Variants in CCSER1 observed in about 807,000 individuals in gnomAD.
CCSER1 encodes coiled-coil serine rich protein 1.
In CCSER1, 41 loss-of-function variants were observed where a neutral mutation model predicts 82.0. The observed-to-expected ratio is 0.50, with a 90% confidence interval of 0.39 to 0.65. The LOEUF is 0.65. CCSER1 is among the 30% of genes least tolerant of loss of function. The pLI is 0.00. For synonymous variants in CCSER1, 414 were observed against 383.9 expected (o/e 1.08, Z -0.92); for missense variants, 1,119 against 1,064.2 (o/e 1.05, Z -0.72).
chr4:90,474,250 C>T (rs753990086), intron 5 of CCSER1, among the ~76,000 whole-genome samples: 3 of 151,892 alleles, frequency 2.0e-5, no homozygotes, highest in Admixed American at 1.3e-4. Context: ...TCAGGTAAAA[C>T]GTCCCTGAGG....
chr4:91,592,505 T>A (rs1764315878), intron 10 of CCSER1, among the ~76,000 whole-genome samples: 1 of 152,148 alleles, frequency 6.6e-6, no homozygotes, highest in South Asian at 2.1e-4. Context: ...GCAGGTCTCA[T>A]TAATAGGAAA....
chr4:90,940,799 A>G (rs1731499001), intron 9 of CCSER1, among the ~76,000 whole-genome samples: 1 of 152,150 alleles, frequency 6.6e-6, no homozygotes, highest in Non-Finnish European at 1.5e-5. Context: ...CTAAAATTTG[A>G]AGAAGTCGAG....
intron 1 of CCSER1, among the ~76,000 whole-genome samples, chr4:90,207,005 G>GT (rs996894504): frequency 1.3e-5 from 2 of 151,390 alleles, no homozygotes; most frequent in African/African-American, 2.4e-5. Context: ...TGCAACCCCT[G>GT]TTTTTTTTCT....
intron 7 of CCSER1, among the ~76,000 whole-genome samples, chr4:90,738,802 G>A (rs1388850093): frequency 6.6e-6 from 1 of 152,078 alleles, no homozygotes; most frequent in Admixed American, 6.6e-5. Flanking sequence ...GTTCACTCAA[G>A]GCCCTGTGCT....
intron 10 of CCSER1, chr4:91,129,794 G>C (rs1043287538): frequency 2.0e-5 from 3 of 152,004 alleles, no homozygotes; most frequent in Admixed American, 2.0e-4. Context: ...ACAGTAATAT[G>C]CTGGTGTTTA....
At chr4:91,308,376 G>T (rs558590585) in intron 10 of CCSER1, among the ~76,000 whole-genome samples, 2 of 152,074 alleles carry the variant, frequency 1.3e-5, no homozygotes, top group South Asian at 4.1e-4. Context: ...TGAAGGAAAT[G>T]TTCCATAAGT....
At chr4:91,145,954 T>C (rs1729491475) in intron 10 of CCSER1, among the ~76,000 whole-genome samples, 1 of 152,158 alleles carries the variant, frequency 6.6e-6, no homozygotes, top group African/African-American at 2.4e-5. Context: ...TGATATAATA[T>C]CTTGCAAATA....
chr4:90,884,942 G>A (rs1188132491), intron 8 of CCSER1, among the ~76,000 whole-genome samples: 1 of 152,106 alleles, frequency 6.6e-6, no homozygotes, highest in East Asian at 1.9e-4. Context: ...AATAAAAAAT[G>A]AGAACATTTG....
At chr4:91,426,435 T>A (rs1753976623) in intron 10 of CCSER1, among the ~76,000 whole-genome samples, 1 of 152,184 alleles carries the variant, frequency 6.6e-6, no homozygotes, top group African/African-American at 2.4e-5. Context: ...ATGGTATTTC[T>A]AGTTCTAGAT....
chr4:91,152,138 C>A (rs949855628), intron 10 of CCSER1, among the ~76,000 whole-genome samples: 3 of 152,088 alleles, frequency 2.0e-5, no homozygotes, highest in Non-Finnish European at 4.4e-5. Flanking sequence ...TAAGGACTTC[C>A]TTTATGAATC....
chr4:90,690,667 C>T (rs1209437877), intron 6 of CCSER1, among the ~76,000 whole-genome samples: 2 of 152,050 alleles, frequency 1.3e-5, no homozygotes, highest in African/African-American at 4.8e-5. Flanking sequence ...ATTCTTTCCT[C>T]ATGCATAAGT....
intron 10 of CCSER1, among the ~76,000 whole-genome samples, chr4:91,471,873 G>C (rs1324851744): frequency 2.0e-5 from 3 of 150,252 alleles, no homozygotes. Context: ...ATGAGACTGA[G>C]GCAGGAGAAT....
At chr4:90,167,750 T>G (rs1730779545) in intron 1 of CCSER1, among the ~76,000 whole-genome samples, 1 of 152,052 alleles carries the variant, frequency 6.6e-6, no homozygotes, top group African/African-American at 2.4e-5. Flanking sequence ...TTGTGATAGT[T>G]TGCTGAGAAT....
chr4:90,262,488 C>A (rs1004162754), intron 1 of CCSER1, among the ~76,000 whole-genome samples: 1 of 152,102 alleles, frequency 6.6e-6, no homozygotes, highest in Non-Finnish European at 1.5e-5. Context: ...ATTGCCCCAT[C>A]GTATGCATTT....
At chr4:90,460,622 G>A (rs955374521) in intron 4 of CCSER1, among the ~76,000 whole-genome samples, 13 of 151,852 alleles carry the variant, frequency 8.6e-5, no homozygotes, top group Non-Finnish European at 1.3e-4. Flanking sequence ...ACAGTTTTAC[G>A]CAATTCCTTC....
At chr4:91,489,994 G>A (rs1758429687) in intron 10 of CCSER1, among the ~76,000 whole-genome samples, 1 of 152,116 alleles carries the variant, frequency 6.6e-6, no homozygotes, top group South Asian at 2.1e-4. Context: ...ACAAAAAGGT[G>A]TTCAACATCA....
intron 6 of CCSER1, among the ~76,000 whole-genome samples, chr4:90,654,381 T>C (rs957639755): frequency 3.3e-5 from 5 of 152,238 alleles, no homozygotes; most frequent in African/African-American, 1.2e-4. Flanking sequence ...CTTGAATTTG[T>C]ATTTTCTTCC....
intron 7 of CCSER1, among the ~76,000 whole-genome samples, chr4:90,755,958 G>T (rs142897295): frequency 6.6e-6 from 1 of 152,108 alleles, no homozygotes; most frequent in African/African-American, 2.4e-5. Flanking sequence ...AGCCACAGTC[G>T]CTCAGGCCTG....
intron 5 of CCSER1, among the ~76,000 whole-genome samples, chr4:90,582,457 CAT>C (rs1413490095): frequency 1.3e-5 from 2 of 152,196 alleles, no homozygotes; most frequent in Admixed American, 6.5e-5. Flanking sequence ...ACATGGGTGA[CAT>C]GTAGTATTGC....
Sources: gnomAD v4.1 joint callset for allele counts (sites outside exome capture counted in the v4.1 genomes callset) on GRCh38, gnomAD v4.1.1 for gene constraint, MANE v1.5 for transcripts, NCBI Gene and HGNC (gene_info 2026-07-23, HGNC 2026-07-21) for gene names.